Variants in PLCXD3 observed in about 807,000 individuals in gnomAD.
The protein encoded by PLCXD3 is PI-PLC X domain-containing protein 3.
In PLCXD3, 19 loss-of-function variants were observed where a neutral mutation model predicts 25.5. The ratio of observed to expected loss-of-function variants is 0.75; its 90% CI spans 0.52 to 1.09. The LOEUF (loss-of-function observed/expected upper bound fraction) is 1.09. Ranked by LOEUF, PLCXD3 falls within the 50% of genes least tolerant of loss-of-function variation. PLCXD3 has a pLI of 0.00. For synonymous variants in PLCXD3, 174 were observed against 137.6 expected (o/e 1.26, Z -1.85); for missense variants, 411 against 388.1 (o/e 1.06, Z -0.50).
At chr5:41,439,191 G>C (rs917519340) in intron 1 of PLCXD3, among the ~76,000 whole-genome samples, 4 of 151,980 alleles carry the variant, frequency 2.6e-5, no homozygotes, top group South Asian at 4.2e-4. Context: ...GTCATGAATG[G>C]AAAATTTGTC....
At chr5:41,463,352 G>A (rs991811141) in intron 1 of PLCXD3, among the ~76,000 whole-genome samples, 22 of 151,908 alleles carry the variant, frequency 1.4e-4, no homozygotes, top group South Asian at 2.1e-4. Context: ...GTATCCTTAC[G>A]TGGCTGAAAG....
intron 1 of PLCXD3, among the ~76,000 whole-genome samples, chr5:41,413,916 C>T (rs1448476632): frequency 6.6e-6 from 1 of 152,086 alleles, no homozygotes; most frequent in Non-Finnish European, 1.5e-5. Context: ...GGGCAATTTT[C>T]AAGGGTCAAA....
At chr5:41,396,831 G>C (rs1311716382) in intron 1 of PLCXD3, among the ~76,000 whole-genome samples, 2 of 152,208 alleles carry the variant, frequency 1.3e-5, no homozygotes, top group Admixed American at 1.3e-4. Flanking sequence ...GGAAGCATTT[G>C]TGCTCCTGCT....
chr5:41,318,428 A>G (rs978306432), intron 2 of PLCXD3, among the ~76,000 whole-genome samples: 2 of 152,174 alleles, frequency 1.3e-5, no homozygotes, highest in African/African-American at 4.8e-5. Context: ...AGTAGAAACA[A>G]CAAAATGTTT....
intron 1 of PLCXD3, among the ~76,000 whole-genome samples, chr5:41,414,315 A>G (rs1396061804): frequency 6.6e-6 from 1 of 151,662 alleles, no homozygotes; most frequent in Admixed American, 6.6e-5. Flanking sequence ...GCTCACCGCA[A>G]CCTCCGCCTC....
intron 2 of PLCXD3, among the ~76,000 whole-genome samples, chr5:41,375,073 A>T (rs1382669311): frequency 6.6e-6 from 1 of 151,912 alleles, no homozygotes; most frequent in African/African-American, 2.4e-5. Flanking sequence ...GGGCAGTAGG[A>T]GGGTTGTGAG....
intron 1 of PLCXD3, among the ~76,000 whole-genome samples, chr5:41,494,481 A>G (rs1748791732): frequency 6.6e-6 from 1 of 152,218 alleles, no homozygotes; most frequent in South Asian, 2.1e-4. Context: ...TTTAGGATTT[A>G]AGTAAAAAAT....
intron 1 of PLCXD3, among the ~76,000 whole-genome samples, chr5:41,417,768 A>G (rs908691735): frequency 1.3e-5 from 2 of 152,206 alleles, no homozygotes; most frequent in African/African-American, 4.8e-5. Context: ...CCAAGGAACC[A>G]GGGATACCTG....
chr5:41,462,059 AAGGCGTTTAATCT>A (rs1036161035), intron 1 of PLCXD3, among the ~76,000 whole-genome samples: 1 of 151,988 alleles, frequency 6.6e-6, no homozygotes, highest in Non-Finnish European at 1.5e-5. Context: ...AGGTTTTAGA[AAGGCGTTTAATCT>A]AGGCAGCAGA....
At chr5:41,419,272 A>G (rs1746761084) in intron 1 of PLCXD3, among the ~76,000 whole-genome samples, 1 of 152,144 alleles carries the variant, frequency 6.6e-6, no homozygotes, top group East Asian at 1.9e-4. Flanking sequence ...CCTCAAATCA[A>G]AGCTTCCTAT....
At chr5:41,314,758 G>A (rs568852389) in intron 2 of PLCXD3, among the ~76,000 whole-genome samples, 35 of 152,214 alleles carry the variant, frequency 2.3e-4, no homozygotes, top group Admixed American at 2.2e-3. Context: ...GATTCTGTAG[G>A]GCACATTAGG....
At chr5:41,491,726 A>C (rs528408254) in intron 1 of PLCXD3, among the ~76,000 whole-genome samples, 1 of 151,998 alleles carries the variant, frequency 6.6e-6, no homozygotes, top group East Asian at 1.9e-4. Flanking sequence ...GTTGGTTTAA[A>C]GTCTGTTTTA....
rs182332742 is a variant in PLCXD3, at chr5:41,398,473, T to A, written c.104-15939A>T. Among the ~76,000 whole-genome samples, 139 of 152,294 alleles carry A rather than the reference T, an allele frequency of 9.1e-4. 1 individual carries two copies. The highest frequency in any genetic ancestry group is 3.2e-3 in the African/African-American group (134 of 41,558). ...GTGAGTCAATTAAATTTCTTTTCTT[T>A]ATAAGTTACCCAGTCTCAAGTAGTT... On this transcript the variant is annotated intron_variant, in intron 1 of 2. Coordinates refer to ENST00000377801, the MANE Select transcript of PLCXD3 (RefSeq NM_001005473.3).
intron 1 of PLCXD3, among the ~76,000 whole-genome samples, chr5:41,447,750 T>C (rs1018875392): frequency 6.6e-6 from 1 of 152,232 alleles, no homozygotes; most frequent in African/African-American, 2.4e-5. Context: ...GATAATATGT[T>C]GGCATAAAGT....
chr5:41,465,360 T>A (rs868862998), intron 1 of PLCXD3, among the ~76,000 whole-genome samples: 22 of 131,020 alleles, frequency 1.7e-4, no homozygotes, highest in African/African-American at 5.9e-4. Context: ...TGTCTTTTTT[T>A]TTTTTTTTTT....
In PLCXD3 at chr5:41,307,258, C is replaced by A. The variant is rs182368215; in HGVS notation, c.*6359G>T. On this transcript the variant is annotated 3_prime_UTR_variant, in exon 3 of 3. Transcript: ENST00000377801. ...GTGTAAGCAGGAGTCATGAGATGGACATGTTATATTAAAGGATTTGGATTT... is the reference window on the plus strand; with the variant it reads ...GTGTAAGCAGGAGTCATGAGATGGAAATGTTATATTAAAGGATTTGGATTT... 1 of 152,506 alleles carries A rather than the reference C, an allele frequency of 6.6e-6. No individual in the cohort carries two copies. The highest frequency in any genetic ancestry group is 1.9e-4 in the East Asian group (1 of 5,184). 9.4% of individuals were successfully genotyped at this position (152,506 alleles called of 1,614,324 possible).
intron 1 of PLCXD3, among the ~76,000 whole-genome samples, chr5:41,487,927 A>C (rs951829738): frequency 6.6e-6 from 1 of 151,984 alleles, no homozygotes; most frequent in African/African-American, 2.4e-5. Flanking sequence ...TAATTTTATT[A>C]TTATTATACT....
chr5:41,332,254 A>T (rs921486520), intron 2 of PLCXD3, among the ~76,000 whole-genome samples: 6 of 152,128 alleles, frequency 3.9e-5, no homozygotes, highest in African/African-American at 1.4e-4. Context: ...CAAGAAAAAA[A>T]CAAACAACCC....
chr5:41,378,519 G>T (rs936246672), intron 2 of PLCXD3, among the ~76,000 whole-genome samples: 2 of 151,970 alleles, frequency 1.3e-5, no homozygotes, highest in Non-Finnish European at 2.9e-5. Context: ...TCTTGTCAAT[G>T]ATACAACTCT....
Sources: gnomAD v4.1 joint callset for allele counts (sites outside exome capture counted in the v4.1 genomes callset) on GRCh38, gnomAD v4.1.1 for gene constraint, MANE v1.5 for transcripts, NCBI Gene and HGNC (gene_info 2026-07-23, HGNC 2026-07-21) for gene names.